MAGI2: variants seen among roughly 807,000 people sequenced by gnomAD.
MAGI2 encodes membrane-associated guanylate kinase, WW and PDZ domain-containing protein 2.
A neutral mutation model predicts 133.3 loss-of-function variants in MAGI2; 35 were observed. The observed-to-expected ratio is 0.26, with a 90% CI of 0.20 to 0.35. The LOEUF is 0.35. Ranked by LOEUF, MAGI2 falls within the 10% of genes least tolerant of loss-of-function variation. The probability of loss-of-function intolerance (pLI) is 1.00; values close to 1 mark genes in which losing one functional copy is unlikely to be tolerated. For missense variants in MAGI2, 1,636 were observed against 1,863.4 expected (o/e 0.88, Z 2.25); for synonymous variants, 729 against 710.6 (o/e 1.03, Z -0.41).
intron 1 of MAGI2, among the ~76,000 whole-genome samples, chr7:79,042,774 C>T (rs757648083): frequency 1.3e-5 from 2 of 152,144 alleles, no homozygotes; most frequent in Non-Finnish European, 2.9e-5. Context: ...CACCCAACAA[C>T]AGAATATACA....
chr7:79,179,072 C>T (rs1826378356), intron 1 of MAGI2, among the ~76,000 whole-genome samples: 1 of 151,958 alleles, frequency 6.6e-6, no homozygotes, highest in Non-Finnish European at 1.5e-5. Flanking sequence ...CAACAATCCT[C>T]ACCATCATGG....
chr7:79,149,116 A>G (rs1016179503), intron 1 of MAGI2, among the ~76,000 whole-genome samples: 1 of 144,224 alleles, frequency 6.9e-6, no homozygotes, highest in Non-Finnish European at 1.5e-5. Flanking sequence ...ATATTATATT[A>G]TATATAATAT....
chr7:78,386,106 G>C (rs1795365952), intron 6 of MAGI2, among the ~76,000 whole-genome samples: 1 of 151,846 alleles, frequency 6.6e-6, no homozygotes. Context: ...AGCATTCCTG[G>C]GCAGAAGGAC....
intron 1 of MAGI2, among the ~76,000 whole-genome samples, chr7:79,017,827 A>G (rs1175184282): frequency 6.6e-6 from 1 of 152,190 alleles, no homozygotes; most frequent in African/African-American, 2.4e-5. Context: ...GCTGAGGAAA[A>G]AAAGTCACAG....
At chr7:79,153,799 A>G (rs1990433) in intron 1 of MAGI2, among the ~76,000 whole-genome samples, 110,413 of 152,086 alleles carry the variant, frequency 0.73, 41,730 homozygotes, top group Non-Finnish European at 0.84. Flanking sequence ...GGGTTTATGC[A>G]AAGCATCACA....
intron 10 of MAGI2, among the ~76,000 whole-genome samples, chr7:78,222,292 A>C (rs1260809227): frequency 6.6e-6 from 1 of 152,198 alleles, no homozygotes. Context: ...ACTCCTGTAC[A>C]CAATCTATCA....
intron 3 of MAGI2, among the ~76,000 whole-genome samples, chr7:78,553,218 T>C (rs1001993532): frequency 8.5e-5 from 13 of 152,176 alleles, no homozygotes; most frequent in African/African-American, 2.9e-4. Context: ...TTCGCAGTCT[T>C]ACAATTGTAA....
intron 1 of MAGI2, among the ~76,000 whole-genome samples, chr7:79,189,312 C>CA (rs34814587): frequency 0.091 from 6,701 of 73,874 alleles, 372 homozygotes; most frequent in African/African-American, 0.16. Context: ...TTTTTATAGG[C>CA]AAAAAAAAAA....
chr7:78,580,089 T>C (rs1584723295), intron 3 of MAGI2, among the ~76,000 whole-genome samples: 1 of 151,062 alleles, frequency 6.6e-6, no homozygotes, highest in East Asian at 2.1e-4. Flanking sequence ...TTTTATAATA[T>C]GGTGAATGTA....
rs183481821 is a variant in MAGI2, at chr7:78,407,132, G to A, written c.1046-37919C>T. Among the ~76,000 whole-genome samples the A allele has an allele frequency of 2.2e-3, 328 of 152,094 alleles. 1 individual carries two copies. Among genetic ancestry groups the A allele is most frequent in the Non-Finnish European group, 3.4e-3 (233 of 67,948 alleles). ...ATAAGACTGTGAATATATTTTTGAAGTAAGTCTTCCACAAACTCAATGCAG... is the reference window on the plus strand; with the variant it reads ...ATAAGACTGTGAATATATTTTTGAAATAAGTCTTCCACAAACTCAATGCAG... On this transcript the variant is annotated intron_variant, in intron 6 of 21. Coordinates refer to ENST00000354212, the MANE Select transcript of MAGI2 (RefSeq NM_012301.4).
intron 2 of MAGI2, among the ~76,000 whole-genome samples, chr7:78,719,563 G>T (rs17151376): frequency 0.15 from 23,416 of 152,196 alleles, 2,016 homozygotes; most frequent in East Asian, 0.2. Context: ...GTGTATTGGG[G>T]TTTATGCAGG....
At chr7:78,502,029 G>A (rs1464881393) in intron 4 of MAGI2, among the ~76,000 whole-genome samples, 1 of 152,162 alleles carries the variant, frequency 6.6e-6, no homozygotes, top group Non-Finnish European at 1.5e-5. Flanking sequence ...AGGATGTAAT[G>A]TAAGGACCAT....
chr7:78,541,177 A>C (rs62468608), intron 3 of MAGI2, among the ~76,000 whole-genome samples: 10,651 of 152,194 alleles, frequency 0.07, 454 homozygotes, highest in Non-Finnish European at 0.1. Context: ...GGCTGGCAAC[A>C]CCAGGCTGCA....
intron 2 of MAGI2, among the ~76,000 whole-genome samples, chr7:78,692,268 A>G (rs892245552): frequency 6.6e-6 from 1 of 152,216 alleles, no homozygotes; most frequent in Non-Finnish European, 1.5e-5. Flanking sequence ...GTGTACCTGT[A>G]GACTGCAGGT....
chr7:78,396,633 A>G (rs1430407160), intron 6 of MAGI2, among the ~76,000 whole-genome samples: 2 of 151,968 alleles, frequency 1.3e-5, no homozygotes, highest in African/African-American at 4.8e-5. Context: ...ACATTTTACT[A>G]TTTATTTTCT....
At chr7:79,261,331 C>T (rs906780915) in intron 1 of MAGI2, among the ~76,000 whole-genome samples, 8 of 152,202 alleles carry the variant, frequency 5.3e-5, no homozygotes, top group African/African-American at 1.9e-4. Context: ...TTGGCATACC[C>T]CTGTTTCAGC....
intron 4 of MAGI2, among the ~76,000 whole-genome samples, chr7:78,508,900 T>G (rs1415962886): frequency 2.0e-5 from 3 of 152,092 alleles, no homozygotes; most frequent in South Asian, 4.2e-4. Flanking sequence ...TTTTTTTTTT[T>G]TTTGAGACGG....
intron 2 of MAGI2, among the ~76,000 whole-genome samples, chr7:78,801,447 G>T (rs2151386397): frequency 6.6e-6 from 1 of 152,242 alleles, no homozygotes; most frequent in South Asian, 2.1e-4. Flanking sequence ...CACAAGGTTT[G>T]AGTCCATTGT....
intron 6 of MAGI2, among the ~76,000 whole-genome samples, chr7:78,473,310 G>A (rs892220087): frequency 1.3e-5 from 2 of 152,086 alleles, no homozygotes; most frequent in African/African-American, 4.8e-5. Flanking sequence ...ATCATATGTA[G>A]GATAATAAAT....
Sources: gnomAD v4.1 joint callset for allele counts (sites outside exome capture counted in the v4.1 genomes callset) on GRCh38, gnomAD v4.1.1 for gene constraint, MANE v1.5 for transcripts, NCBI Gene and HGNC (gene_info 2026-07-23, HGNC 2026-07-21) for gene names.